The following NUDT5 variants were observed in gnomAD, a reference collection of about 807,000 sequenced individuals.
NUDT5 encodes ADP-sugar pyrophosphatase.
A neutral mutation model predicts 34.1 loss-of-function variants in NUDT5; 21 were observed. The ratio of observed to expected loss-of-function variants is 0.62; its 90% confidence interval spans 0.44 to 0.89. The LOEUF is 0.89. NUDT5 is among the 40% of genes least tolerant of loss of function. The pLI is 0.00. For synonymous variants in NUDT5, 85 were observed against 97.6 expected, an observed-to-expected ratio of 0.87 and a Z score of 0.76; for missense variants, 249 against 274.8, an observed-to-expected ratio of 0.91 and a Z score of 0.66.
At chr10:12,192,820 C>T (rs1835255609) in intron 1 of NUDT5, among the ~76,000 whole-genome samples, 1 of 151,938 alleles carries the variant, frequency 6.6e-6, no homozygotes, top group African/African-American at 2.4e-5. Flanking sequence ...CACTGCATTC[C>T]AGCCTGGGCG....
Position 12,173,731 on chromosome 10 carries a change from G to A in NUDT5, c.372C>T (p.Ala124=), listed in dbSNP as rs751523384. 8 of 1,613,136 alleles carry A rather than the reference G, an allele frequency of 5.0e-6. No individual in the cohort carries two copies. Among genetic ancestry groups the A allele is most frequent in the South Asian group, 3.3e-5 (3 of 91,064 alleles). ...AGCAATACCAACCTGGAGAACATTC[G>A]GCAATGTCCCCTTTGTAGCCAGTTT... is the stretch of plus-strand genomic sequence containing the variant. ...EEETGYKGDI[A]ECSPAVCMDP... The change falls in exon 6 of 10, where the codon GCC becomes GCT. Residue 124 remains alanine, a synonymous_variant. Transcript: ENST00000491614. This position sits in a 1 kb window ranked among gnomAD's most constrained non-coding sequence, Gnocchi z 4.7.
chr10:12,173,567 TGGGAG>T lies in NUDT5; in HGVS notation c.385+146_385+150del. On this transcript the variant is annotated intron_variant, in intron 6 of 9. Coordinates refer to ENST00000491614, the MANE Select transcript of NUDT5 (RefSeq NM_014142.4). The surrounding 1 kb of genome is among the most constrained non-coding windows in gnomAD (Gnocchi z 4.7). ...GGCCCTTCTGGCTCCAGTTTCCTCC[TGGGAG>T]GGGAGATTCCCTTACACTTGGTGAC... 1 of 642,818 alleles carries T rather than the reference TGGGAG, an allele frequency of 1.6e-6. No individual in the cohort carries two copies. Among genetic ancestry groups the T allele is most frequent in the Middle Eastern group, 4.2e-4 (1 of 2,398 alleles). 39.8% of individuals were successfully genotyped at this position (642,818 alleles called of 1,614,324 possible). A position where few individuals can be genotyped will look rare whatever the true frequency, so the allele number is the denominator to read the frequency against.
intron 1 of NUDT5, among the ~76,000 whole-genome samples, chr10:12,191,807 A>AT (rs1835235441): frequency 6.6e-6 from 1 of 152,214 alleles, no homozygotes; most frequent in Admixed American, 6.5e-5. Flanking sequence ...GAAGTGATTA[A>AT]TTTTTCACCA....
chr10:12,172,874 G>A lies in NUDT5; in HGVS notation c.386-8C>T. On this transcript the variant is annotated splice_region_variant and splice_polypyrimidine_tract_variant and intron_variant, in intron 6 of 9. Coordinates refer to ENST00000491614, the MANE Select transcript of NUDT5 (RefSeq NM_014142.4). ...CTGGGTCCATACAGACCGCTGTGGA[G>A]AGAAGGGACAGTCAGATGCGTCAGT... is the stretch of plus-strand genomic sequence containing the variant. 6.3e-7 allele frequency: 1 copy of A among 1,597,670 alleles called. No homozygotes were observed. The highest frequency in any genetic ancestry group is 8.6e-7 in the Non-Finnish European group (1 of 1,165,448).
Position 12,175,086 on chromosome 10 carries a change from G to A in NUDT5, c.290-1273C>T, listed in dbSNP as rs185013295. 2.8e-3 allele frequency among the ~76,000 whole-genome samples: 432 copies of A among 152,174 alleles called. 3 individuals are homozygous for A. The highest frequency in any genetic ancestry group is 1.0e-2 in the African/African-American group (414 of 41,510). Reference sequence around the variant, plus strand: ...TGTAACCCCAGCACTTTGGGAGGCCGAGGCGGGCAGATCACCTGAGGTCAG... The same window carrying A: ...TGTAACCCCAGCACTTTGGGAGGCCAAGGCGGGCAGATCACCTGAGGTCAG... On this transcript the variant is annotated intron_variant, in intron 5 of 9. Coordinates refer to ENST00000491614, the MANE Select transcript of NUDT5 (RefSeq NM_014142.4). This position sits in a 1 kb window ranked among gnomAD's most constrained non-coding sequence, Gnocchi z 4.8.
chr10:12,171,683 TTTATTTTA>T lies in NUDT5; in HGVS notation c.488-783_488-776del, dbSNP rs916287063. Among the ~76,000 whole-genome samples the T allele has an allele frequency of 1.4e-5, 2 of 144,922 alleles. No homozygotes were observed. The highest frequency in any genetic ancestry group is 7.1e-5 in the Admixed American group (1 of 14,022). On this transcript the variant is annotated intron_variant, in intron 7 of 9. Transcript: ENST00000491614. This position sits in a 1 kb window ranked among gnomAD's most constrained non-coding sequence, Gnocchi z 4.2. Reference sequence around the variant, plus strand: ...TATATGTGCAGTTCAAAAATTAAGATTTATTTTATTTATTTATTTATTTATTTATTTAT... The same window carrying T: ...TATATGTGCAGTTCAAAAATTAAGATTTTATTTATTTATTTATTTATTTAT...
chr10:12,168,342 G>T lies in NUDT5; in HGVS notation c.551-531C>A, dbSNP rs4747966. On this transcript the variant is annotated intron_variant, in intron 9 of 9. Coordinates refer to ENST00000491614, the MANE Select transcript of NUDT5 (RefSeq NM_014142.4). The surrounding 1 kb of genome is among the most constrained non-coding windows in gnomAD (Gnocchi z 4.8). ...CCCAGCCAGGGATGATTTTATGTGT[G>T]AAAACAGCAAAGTTGGAAGTGTATA... 0.99 allele frequency among the ~76,000 whole-genome samples: 151,467 copies of T among 152,326 alleles called. 75,317 individuals are homozygous for T. Among genetic ancestry groups the T allele is most frequent in the Middle Eastern group, 1 (294 of 294 alleles).
rs142520313 is a variant in NUDT5, at chr10:12,165,709, C to T, written c.*1993G>A. 2.6e-5 allele frequency: 4 copies of T among 152,176 alleles called. No individual in the cohort carries two copies. The highest frequency in any genetic ancestry group is 9.7e-5 in the African/African-American group (4 of 41,432). The allele number at this position is 152,176 out of a possible 1,614,324, so 9.4% of individuals were successfully genotyped here. A position where few individuals can be genotyped will look rare whatever the true frequency, so the allele number is the denominator to read the frequency against. Reference sequence around the variant, plus strand: ...GATCAAACTTAATTTTTAAAAGACACCCTTTTCAGAAGTATGGGTTTTCAT... The same window carrying T: ...GATCAAACTTAATTTTTAAAAGACATCCTTTTCAGAAGTATGGGTTTTCAT... On this transcript the variant is annotated 3_prime_UTR_variant, in exon 10 of 10. Transcript: ENST00000491614.
At chr10:12,193,225 G>A (rs1835265961) in intron 1 of NUDT5, among the ~76,000 whole-genome samples, 2 of 152,130 alleles carry the variant, frequency 1.3e-5, no homozygotes, top group Admixed American at 6.6e-5. Flanking sequence ...TAATTTCCAC[G>A]AAGACAGTTT....
In NUDT5 at chr10:12,177,844, C is replaced by G. The variant is rs1834980548; in HGVS notation, c.238G>C (p.Val80Leu). ...CCCATTGGTGGTCGGAACTGTTTCACCAGAACGATACACTCATAGTGAAGT... is the reference window on the plus strand; with the variant it reads ...CCCATTGGTGGTCGGAACTGTTTCAGCAGAACGATACACTCATAGTGAAGT... ...RTLHYECIVL[V>L]KQFRPPMGGY... Residue 80 changes from valine to leucine, a missense_variant, in exon 5 of 10, where the codon GTG becomes CTG. Val to Leu is a conservative substitution (Grantham distance 32, BLOSUM62 1). Coordinates refer to ENST00000491614, the MANE Select transcript of NUDT5 (RefSeq NM_014142.4). The G allele has an allele frequency of 6.2e-7, 1 of 1,614,102 alleles. No individual in the cohort carries two copies. The highest frequency in any genetic ancestry group is 8.5e-7 in the Non-Finnish European group (1 of 1,180,010).
In NUDT5 at chr10:12,170,058, C is replaced by T. The variant is rs553400376; in HGVS notation, c.550+659G>A. The T allele has an allele frequency of 5.4e-5, 85 of 1,566,234 alleles. No individual in the cohort carries two copies. In the Middle Eastern group the frequency reaches 1.0e-3, roughly 18 times the overall value. The stretch of plus-strand genomic sequence containing the variant: ...GGTATGTCTCCATACAGTATCTCCT[C>T]GTCTCCACACAGTATCTCCTCATGT... On this transcript the variant is annotated intron_variant, in intron 9 of 9. Coordinates refer to ENST00000491614, the MANE Select transcript of NUDT5 (RefSeq NM_014142.4). The surrounding 1 kb of genome is among the most constrained non-coding windows in gnomAD (Gnocchi z 4.9).
chr10:12,172,869 G>A lies in NUDT5; in HGVS notation c.386-3C>T, dbSNP rs1460254701. ...CAAGCCTGGGTCCATACAGACCGCT[G>A]TGGAGAGAAGGGACAGTCAGATGCG... On this transcript the variant is annotated splice_region_variant and splice_polypyrimidine_tract_variant and intron_variant, in intron 6 of 9. Coordinates refer to ENST00000491614, the MANE Select transcript of NUDT5 (RefSeq NM_014142.4). 7 of 1,604,830 alleles carry A rather than the reference G, an allele frequency of 4.4e-6. No individual in the cohort carries two copies. The highest frequency in any genetic ancestry group is 1.1e-5 in the South Asian group (1 of 90,752).
rs1393082366 is a variant in NUDT5 at position 12,169,266 on chromosome 10, T to A, written c.550+1451A>T. Reference sequence around the variant, plus strand: ...TTTCTCCCTTTTCTAAGACCAAAAGTGAAGTTAAGAAGGTGGAAGGGAGAA... The same window carrying A: ...TTTCTCCCTTTTCTAAGACCAAAAGAGAAGTTAAGAAGGTGGAAGGGAGAA... On this transcript the variant is annotated intron_variant, in intron 9 of 9. Coordinates refer to ENST00000491614, the MANE Select transcript of NUDT5 (RefSeq NM_014142.4). This position sits in a 1 kb window ranked among gnomAD's most constrained non-coding sequence, Gnocchi z 4.8. 4 of 1,549,596 alleles carry A rather than the reference T, an allele frequency of 2.6e-6. No homozygotes were observed. In the African/African-American group the frequency reaches 5.5e-5, roughly 21 times the overall value.
chr10:12,179,334 C>T (rs1488112964), intron 3 of NUDT5, among the ~76,000 whole-genome samples: 1 of 152,218 alleles, frequency 6.6e-6, no homozygotes, highest in African/African-American at 2.4e-5. Flanking sequence ...ACAACGAAAA[C>T]TCTTGCCACC....
chr10:12,173,009 C>A lies in NUDT5; in HGVS notation c.386-143G>T. On this transcript the variant is annotated intron_variant, in intron 6 of 9. Coordinates refer to ENST00000491614, the MANE Select transcript of NUDT5 (RefSeq NM_014142.4). This position sits in a 1 kb window ranked among gnomAD's most constrained non-coding sequence, Gnocchi z 4.7. Reference sequence around the variant, plus strand: ...TAGTTCTCACATTTGGTAGGCAGATCTGCAGGCTGCAAAGCATCTGGGCAC... The same window carrying A: ...TAGTTCTCACATTTGGTAGGCAGATATGCAGGCTGCAAAGCATCTGGGCAC... The A allele has an allele frequency of 1.6e-6, 1 of 631,638 alleles. No homozygotes were observed. Among genetic ancestry groups the A allele is most frequent in the Non-Finnish European group, 2.8e-6 (1 of 356,658 alleles). 39.1% of individuals were successfully genotyped at this position (631,638 alleles called of 1,614,324 possible).
chr10:12,174,545 G>A, intron 5 of NUDT5, among the ~76,000 whole-genome samples: 1 of 152,190 alleles, frequency 6.6e-6, no homozygotes, highest in Non-Finnish European at 1.5e-5. Flanking sequence ...CCAAAGTGCT[G>A]GGATTACAGG....
intron 5 of NUDT5, among the ~76,000 whole-genome samples, chr10:12,176,958 C>T (rs1588657460): frequency 6.6e-6 from 1 of 151,994 alleles, no homozygotes; most frequent in Admixed American, 6.6e-5. Context: ...CCTGTCTCTA[C>T]AAAAAATACA....
intron 1 of NUDT5, among the ~76,000 whole-genome samples, chr10:12,194,678 A>C (rs1835298781): frequency 1.3e-5 from 2 of 152,250 alleles, no homozygotes; most frequent in Admixed American, 6.5e-5. Context: ...AACTCAAAAT[A>C]CGCAGATAAT....
Position 12,167,622 on chromosome 10 carries a change from T to A in NUDT5, c.*80A>T. 7.3e-7 allele frequency: 1 copy of A among 1,367,404 alleles called. No individual in the cohort carries two copies. The highest frequency in any genetic ancestry group is 1.0e-6 in the Non-Finnish European group (1 of 971,482). The allele number at this position is 1,367,404 out of a possible 1,614,324, so 84.7% of individuals were successfully genotyped here. A position where few individuals can be genotyped will look rare whatever the true frequency, so the allele number is the denominator to read the frequency against. On this transcript the variant is annotated 3_prime_UTR_variant, in exon 10 of 10. Coordinates refer to ENST00000491614, the MANE Select transcript of NUDT5 (RefSeq NM_014142.4). ...GAAAAAGCTAATGGCAAATCTACATTAAACTAAGTTGAATACAAAGTCTTA... is the reference window on the plus strand; with the variant it reads ...GAAAAAGCTAATGGCAAATCTACATAAAACTAAGTTGAATACAAAGTCTTA...
Sources: gnomAD v4.1 joint callset for allele counts (sites outside exome capture counted in the v4.1 genomes callset) on GRCh38, gnomAD v4.1.1 for gene constraint, Gnocchi (gnomAD v3.1) non-coding constraint, MANE v1.5 for transcripts, NCBI Gene and HGNC (gene_info 2026-07-23, HGNC 2026-07-21) for gene names.